MAGI2: variants seen among roughly 807,000 people sequenced by gnomAD.
The protein encoded by MAGI2 is membrane associated guanylate kinase, WW and PDZ domain containing 2, also known as membrane-associated guanylate kinase, WW and PDZ domain-containing protein 2.
MAGI2 carries 35 observed loss-of-function variants against 133.3 expected under a neutral mutation model. That is an observed-to-expected ratio of 0.26 (90% confidence interval 0.20 to 0.35). The LOEUF (loss-of-function observed/expected upper bound fraction) is 0.35. Among genes scored for constraint, MAGI2 ranks in the 10% least tolerant of loss-of-function variants. MAGI2 has a pLI of 1.00. For missense variants in MAGI2, 1,636 were observed against 1,863.4 expected (o/e 0.88, Z 2.25); for synonymous variants, 729 against 710.6 (o/e 1.03, Z -0.41).
At chr7:79,225,404 C>A (rs1016768047) in intron 1 of MAGI2, among the ~76,000 whole-genome samples, 1 of 152,132 alleles carries the variant, frequency 6.6e-6, no homozygotes, top group African/African-American at 2.4e-5. Flanking sequence ...AAACTCAAGT[C>A]CATTTGACTA....
At chr7:79,081,247 T>C (rs1046086349) in intron 1 of MAGI2, among the ~76,000 whole-genome samples, 1 of 152,146 alleles carries the variant, frequency 6.6e-6, no homozygotes, top group Non-Finnish European at 1.5e-5. Context: ...TCTATTTATC[T>C]CCATCTCAGT....
intron 2 of MAGI2, among the ~76,000 whole-genome samples, chr7:78,743,708 C>T (rs1822647592): frequency 6.6e-6 from 1 of 152,124 alleles, no homozygotes; most frequent in Non-Finnish European, 1.5e-5. Context: ...TGGTCATGCA[C>T]CAAAAGGCTT....
chr7:78,706,777 A>G (rs323166), intron 2 of MAGI2, among the ~76,000 whole-genome samples: 41,554 of 151,956 alleles, frequency 0.27, 6,820 homozygotes, highest in East Asian at 0.61. Flanking sequence ...CCAGCCCTGA[A>G]ACAATGCATA....
rs117712919 is a variant in MAGI2, at chr7:79,400,183, T to C, written c.301+52837A>G. Among the ~76,000 whole-genome samples the C allele has an allele frequency of 4.5e-4, 68 of 152,290 alleles. No homozygotes were observed. The East Asian group carries it at 0.012, about 28-fold the overall frequency. On this transcript the variant is annotated intron_variant, in intron 1 of 21. Coordinates refer to ENST00000354212, the MANE Select transcript of MAGI2 (RefSeq NM_012301.4). Reference sequence around the variant, plus strand: ...AGAAGGGCTCCCACCAAATGATACATATTGCAGAACTACAGAACAACTATG... The same window carrying C: ...AGAAGGGCTCCCACCAAATGATACACATTGCAGAACTACAGAACAACTATG...
chr7:78,319,977 T>C (rs182403934), intron 9 of MAGI2, among the ~76,000 whole-genome samples: 1 of 152,200 alleles, frequency 6.6e-6, no homozygotes, highest in Admixed American at 6.5e-5. Context: ...CAAACTGCCA[T>C]CAGAGAATAC....
chr7:78,085,550 C>CACACACACACACACACACA (rs1554441619), intron 20 of MAGI2, among the ~76,000 whole-genome samples: 2 of 120,964 alleles, frequency 1.7e-5, no homozygotes, highest in African/African-American at 6.7e-5. Context: ...AATAAAACTC[C>CACACACACACACACACACA]CACACACACA....
intron 6 of MAGI2, among the ~76,000 whole-genome samples, chr7:78,421,824 C>CA (rs1345765471): frequency 1.3e-5 from 2 of 152,038 alleles, no homozygotes; most frequent in Non-Finnish European, 2.9e-5. Flanking sequence ...AAAACATAAA[C>CA]AAAAACATCA....
rs769770373 is a variant in MAGI2 at position 79,077,574 on chromosome 7, C to CAAA, written c.302-70371_302-70369dup. ...TGGGCAACAGAGCGAGACTGCCTCTCAAAAAAAAAAAAAAAAAAAAATAAA... is the reference window on the plus strand; with the variant it reads ...TGGGCAACAGAGCGAGACTGCCTCTCAAAAAAAAAAAAAAAAAAAAAAAATAAA... On this transcript the variant is annotated intron_variant, in intron 1 of 21. Coordinates refer to ENST00000354212, the MANE Select transcript of MAGI2 (RefSeq NM_012301.4). 3.8e-3 allele frequency among the ~76,000 whole-genome samples: 90 copies of CAAA among 23,760 alleles called. 13 individuals carry two copies. The highest frequency in any genetic ancestry group is 0.01 in the African/African-American group (69 of 6,582). 15.6% of individuals were successfully genotyped at this position (23,760 alleles called of 152,430 possible).
intron 2 of MAGI2, among the ~76,000 whole-genome samples, chr7:78,822,610 T>C (rs1790224121): frequency 6.6e-6 from 1 of 152,144 alleles, no homozygotes; most frequent in South Asian, 2.1e-4. Context: ...AGACATATGC[T>C]CAACATATAT....
At chr7:78,504,564 G>A (rs1196386489) in intron 4 of MAGI2, among the ~76,000 whole-genome samples, 1 of 152,066 alleles carries the variant, frequency 6.6e-6, no homozygotes, top group East Asian at 1.9e-4. Flanking sequence ...GGCAATGTGA[G>A]GATAAGGTGG....
intron 2 of MAGI2, among the ~76,000 whole-genome samples, chr7:78,992,447 T>C (rs959353980): frequency 6.6e-6 from 1 of 152,066 alleles, no homozygotes; most frequent in African/African-American, 2.4e-5. Flanking sequence ...TTTAATGGGT[T>C]ATTAAGTGCA....
intron 2 of MAGI2, among the ~76,000 whole-genome samples, chr7:78,735,297 C>T (rs1821742927): frequency 6.6e-6 from 1 of 152,156 alleles, no homozygotes; most frequent in South Asian, 2.1e-4. Context: ...GCCTCACATA[C>T]AGACAACCCT....
chr7:78,760,921 A>G (rs1041794772), intron 2 of MAGI2, among the ~76,000 whole-genome samples: 1 of 152,180 alleles, frequency 6.6e-6, no homozygotes, highest in African/African-American at 2.4e-5. Context: ...GCCAGGAGGA[A>G]CTCCAGTAGC....
chr7:78,203,205 CCAAA>C (rs1829431692), intron 10 of MAGI2, among the ~76,000 whole-genome samples: 1 of 152,116 alleles, frequency 6.6e-6, no homozygotes, highest in Non-Finnish European at 1.5e-5. Flanking sequence ...CCTGCAATGC[CCAAA>C]CAGACTTTGA....
chr7:79,048,100 G>A (rs953773230), intron 1 of MAGI2, among the ~76,000 whole-genome samples: 4 of 152,054 alleles, frequency 2.6e-5, no homozygotes, highest in African/African-American at 9.7e-5. Flanking sequence ...GCACTGTAAC[G>A]CAGCTTAATA....
intron 9 of MAGI2, among the ~76,000 whole-genome samples, chr7:78,334,993 A>G (rs1789605800): frequency 6.6e-6 from 1 of 152,162 alleles, no homozygotes; most frequent in African/African-American, 2.4e-5. Context: ...TGCCACCTGT[A>G]TTTGTAATTA....
At chr7:78,673,650 A>G (rs10245276) in intron 2 of MAGI2, among the ~76,000 whole-genome samples, 22,863 of 151,830 alleles carry the variant, frequency 0.15, 2,360 homozygotes, top group African/African-American at 0.29. Flanking sequence ...TGTTCTGTTC[A>G]GAACTTCAAC....
At chr7:78,115,095 T>G (rs910446741) in intron 20 of MAGI2, among the ~76,000 whole-genome samples, 4 of 152,148 alleles carry the variant, frequency 2.6e-5, no homozygotes, top group Non-Finnish European at 5.9e-5. Context: ...AAAAGCAAAG[T>G]GAGAATAAGA....
At chr7:78,988,945 C>T (rs1432135780) in intron 2 of MAGI2, among the ~76,000 whole-genome samples, 1 of 152,164 alleles carries the variant, frequency 6.6e-6, no homozygotes, top group African/African-American at 2.4e-5. Context: ...ATCAACAACC[C>T]ACTTTCAAGA....
Sources: gnomAD v4.1 joint callset for allele counts (sites outside exome capture counted in the v4.1 genomes callset) on GRCh38, gnomAD v4.1.1 for gene constraint, MANE v1.5 for transcripts, NCBI Gene and HGNC (gene_info 2026-07-23, HGNC 2026-07-21) for gene names.